The following ADGRV1 variants were observed in gnomAD, a reference collection of about 807,000 sequenced individuals.
ADGRV1 encodes the protein adhesion G protein-coupled receptor V1, also known as G-protein coupled receptor 98.
ADGRV1 carries 359 observed loss-of-function variants against 596.2 expected under a neutral mutation model. That is an observed-to-expected ratio of 0.60 (90% CI 0.55 to 0.66). ADGRV1 has a LOEUF of 0.66. Among genes scored for constraint, ADGRV1 ranks in the 30% least tolerant of loss-of-function variants. The pLI is 0.00. For synonymous variants in ADGRV1, 2,681 were observed against 2,679.2 expected (o/e 1.00, Z -0.02); for missense variants, 7,274 against 7,575.6 (o/e 0.96, Z 1.48).
At chr5:90,885,871 A>G (rs1181192591) in intron 83 of ADGRV1, among the ~76,000 whole-genome samples, 1 of 151,702 alleles carries the variant, frequency 6.6e-6, no homozygotes, top group Non-Finnish European at 1.5e-5. Flanking sequence ...GAAGAAAGGG[A>G]AGGAGGGAGA....
At chr5:90,882,188 G>GT (rs2150546782) in intron 83 of ADGRV1, among the ~76,000 whole-genome samples, 1 of 152,274 alleles carries the variant, frequency 6.6e-6, no homozygotes, top group Admixed American at 6.5e-5. Flanking sequence ...TTAGATTGAA[G>GT]TTGATATTTT....
At chr5:90,872,360 C>A (rs911059015) in intron 83 of ADGRV1, among the ~76,000 whole-genome samples, 2 of 150,630 alleles carry the variant, frequency 1.3e-5, no homozygotes, top group East Asian at 1.9e-4. Context: ...ATTGTTATAA[C>A]CTTAAAAATT....
intron 18 of ADGRV1, 130 bp downstream of exon 18, chr5:90,651,860 G>A (rs1768671826): frequency 5.3e-6 from 3 of 565,564 alleles, no homozygotes; most frequent in South Asian, 3.1e-5. Context: ...TTGGCAGTCT[G>A]AATGAGTGGT....
At chr5:90,910,296 A>G (rs1244838253) in intron 83 of ADGRV1, among the ~76,000 whole-genome samples, 2 of 152,222 alleles carry the variant, frequency 1.3e-5, no homozygotes, top group Non-Finnish European at 2.9e-5. Flanking sequence ...TTAATCAGAT[A>G]TAACCGAACT....
intron 85 of ADGRV1, among the ~76,000 whole-genome samples, chr5:91,028,044 T>C (rs1784165676): frequency 6.6e-6 from 1 of 151,794 alleles, no homozygotes; most frequent in South Asian, 2.1e-4. Flanking sequence ...TTTCTTTTTT[T>C]TTTTTTTTAA....
intron 25 of ADGRV1, among the ~76,000 whole-genome samples, chr5:90,678,435 A>T (rs1030105753): frequency 6.6e-6 from 1 of 151,414 alleles, no homozygotes; most frequent in East Asian, 1.9e-4. Flanking sequence ...AGTACTTTAT[A>T]TTTTATATTT....
intron 83 of ADGRV1, among the ~76,000 whole-genome samples, chr5:90,925,677 G>A (rs1469663308): frequency 4.2e-5 from 6 of 144,348 alleles, no homozygotes; most frequent in Non-Finnish European, 9.0e-5. Context: ...TGTTGAATAG[G>A]AGTGGTGAGA....
In ADGRV1 at chr5:90,559,055, C is replaced by A. The variant is rs1754451194; in HGVS notation, c.22+138C>A. 8 of 654,930 alleles carry A rather than the reference C, an allele frequency of 1.2e-5. 1 individual carries two copies. In the East Asian group the frequency reaches 2.4e-4, roughly 19 times the overall value. 40.6% of individuals were successfully genotyped at this position (654,930 alleles called of 1,614,324 possible). The stretch of plus-strand genomic sequence containing the variant: ...CACAGCCGGGCCCAGGGAGGCTGGG[C>A]GCGCACCCGGCGCCGCGGCCTGCGG... On this transcript the variant is annotated intron_variant, in intron 1 of 89. Transcript: ENST00000405460.
At chr5:91,051,802 G>T (rs761347660) in intron 85 of ADGRV1, among the ~76,000 whole-genome samples, 15 of 151,970 alleles carry the variant, frequency 9.9e-5, no homozygotes, top group Non-Finnish European at 1.9e-4. Context: ...TTAAAATGGG[G>T]TTACATCCCA....
At chr5:90,607,145 A>T (rs1235507964) in intron 1 of ADGRV1, among the ~76,000 whole-genome samples, 1 of 152,222 alleles carries the variant, frequency 6.6e-6, no homozygotes, top group Non-Finnish European at 1.5e-5. Context: ...GTTGCAACTC[A>T]GTTTTGGAGC....
At chr5:90,789,946 T>C in intron 69 of ADGRV1, 95 bp downstream of exon 69, 1 of 930,358 alleles carries the variant, frequency 1.1e-6, no homozygotes, top group Non-Finnish European at 1.4e-6. Context: ...TAATTAAAGT[T>C]TTTGATAAAC....
At chr5:90,733,246 A>G (rs1238487326) in intron 50 of ADGRV1, among the ~76,000 whole-genome samples, 2 of 152,166 alleles carry the variant, frequency 1.3e-5, no homozygotes, top group African/African-American at 4.8e-5. Flanking sequence ...CTGGGAGGAG[A>G]ATGGTTTTAA....
chr5:90,750,578 A>C lies in ADGRV1; in HGVS notation c.11002A>C (p.Met3668Leu), dbSNP rs1428121564. The C allele has an allele frequency of 6.2e-7, 1 of 1,610,168 alleles. No individual in the cohort carries two copies. Among genetic ancestry groups the C allele is most frequent in the African/African-American group, 1.3e-5 (1 of 74,866 alleles). ...TTCATTATATAAGCAAGTGGAAGAA[A>C]TGGAGCAAGATAGCCTAGTAACCTT... The part of the protein sequence containing the change: ...QNSLYKQVEE[M>L]EQDSLVTLNV... Residue 3668 changes from methionine to leucine, a missense_variant, in exon 53 of 90, where the codon ATG becomes CTG. Transcript: ENST00000405460.
intron 85 of ADGRV1, among the ~76,000 whole-genome samples, chr5:91,033,290 A>AT (rs1424671311): frequency 6.6e-6 from 1 of 152,000 alleles, no homozygotes; most frequent in African/African-American, 2.4e-5. Context: ...GTGGCTTATA[A>AT]TTTTTTTATT....
chr5:91,061,213 T>G (rs755889533), intron 85 of ADGRV1, among the ~76,000 whole-genome samples: 2 of 152,152 alleles, frequency 1.3e-5, no homozygotes, highest in Non-Finnish European at 2.9e-5. Context: ...CATAGAGCAT[T>G]CATACATACA....
At chr5:90,735,955 G>C (rs184574639) in intron 50 of ADGRV1, among the ~76,000 whole-genome samples, 29 of 152,128 alleles carry the variant, frequency 1.9e-4, no homozygotes, top group African/African-American at 6.7e-4. Flanking sequence ...TCCTATTTAG[G>C]TATGTCTTAT....
intron 85 of ADGRV1, among the ~76,000 whole-genome samples, chr5:91,014,892 G>A (rs1368557042): frequency 6.6e-6 from 1 of 151,614 alleles, no homozygotes; most frequent in Non-Finnish European, 1.5e-5. Flanking sequence ...AGTTCAGCTG[G>A]GATTTTGGTT....
intron 87 of ADGRV1, among the ~76,000 whole-genome samples, chr5:91,146,781 G>C (rs561086635): frequency 6.6e-6 from 1 of 152,198 alleles, no homozygotes; most frequent in Admixed American, 6.5e-5. Flanking sequence ...AAAACAAAAT[G>C]TACATAGCTA....
At chr5:90,615,397 TA>T (rs995887994) in intron 2 of ADGRV1, among the ~76,000 whole-genome samples, 1 of 151,080 alleles carries the variant, frequency 6.6e-6, no homozygotes, top group African/African-American at 2.4e-5. Context: ...ACGACAATAG[TA>T]AAAAAAAACT....
Sources: allele counts gnomAD v4.1 joint callset (sites outside exome capture counted in the v4.1 genomes callset), GRCh38; gene constraint gnomAD v4.1.1; transcripts MANE v1.5; gene names NCBI Gene and HGNC (gene_info 2026-07-23, HGNC 2026-07-21).